The following ABCA1 variants were observed in gnomAD, a reference collection of about 807,000 sequenced individuals.
ABCA1 encodes phospholipid-transporting ATPase ABCA1.
ABCA1 carries 133 observed loss-of-function variants against 262.5 expected under a neutral mutation model. That is an observed-to-expected ratio of 0.51 (90% CI 0.44 to 0.59). The LOEUF (loss-of-function observed/expected upper bound fraction) is 0.59, where lower values mean the gene tolerates loss of function less well. Ranked by LOEUF, ABCA1 falls within the 20% of genes least tolerant of loss-of-function variation. The pLI is 0.00. For missense variants in ABCA1, 2,452 were observed against 2,777.5 expected, an observed-to-expected ratio of 0.88 and a Z score of 2.63; for synonymous variants, 1,022 against 1,043.5, an observed-to-expected ratio of 0.98 and a Z score of 0.40.
Position 104,821,497 on chromosome 9 carries a change from C to A in ABCA1, c.2838G>T (p.Leu946=). Residue 946 remains leucine (L), a synonymous_variant, in exon 20 of 50, where the codon CTG becomes CTT. Coordinates refer to ENST00000374736, the MANE Select transcript of ABCA1 (RefSeq NM_005502.4). The part of the protein sequence containing the change: ...GAGKTTTMSI[L]TGLFPPTSGT... The stretch of plus-strand genomic sequence containing the variant: ...CCGAGGTCGGGGGGAACAACCCGGT[C>A]AGGATTGACCTGAGGACAAAAATTT... 1 of 1,613,922 alleles carries A rather than the reference C, an allele frequency of 6.2e-7. No individual in the cohort carries two copies. Among genetic ancestry groups the A allele is most frequent in the African/African-American group, 1.3e-5 (1 of 75,034 alleles).
chr9:104,843,502 C>A (rs1219727937), intron 8 of ABCA1, among the ~76,000 whole-genome samples: 3 of 152,190 alleles, frequency 2.0e-5, no homozygotes, highest in Admixed American at 1.3e-4. Context: ...ACAACACAGG[C>A]TTTGGAATCC....
rs1163904464 is a variant in ABCA1, at chr9:104,781,824, AAT to A, written c.*2489_*2490del. On this transcript the variant is annotated 3_prime_UTR_variant, in exon 50 of 50. Transcript: ENST00000374736. Reference sequence around the variant, plus strand: ...ACTCACATAGGTACATTCCACAGGGAATATACAGAAATTTTGCTTGATTGAGT... The same window carrying A: ...ACTCACATAGGTACATTCCACAGGGAATACAGAAATTTTGCTTGATTGAGT... 6.6e-6 allele frequency: 1 copy of A among 152,628 alleles called. No individual in the cohort carries two copies. Among genetic ancestry groups the A allele is most frequent in the Non-Finnish European group, 1.5e-5 (1 of 68,006 alleles). The allele number at this position is 152,628 out of a possible 1,614,324, so 9.5% of individuals were successfully genotyped here. A position where few individuals can be genotyped will look rare whatever the true frequency, so the allele number is the denominator to read the frequency against.
rs146817777 is a variant in ABCA1, at chr9:104,785,486, A to C, written c.6555T>G (p.Ser2185=). The C allele has an allele frequency of 1.6e-4, 265 of 1,614,164 alleles. 1 individual carries two copies. The African/African-American group carries it at 3.3e-3, about 20-fold the overall frequency. The change falls in exon 49 of 50, where the codon TCT becomes TCG. Residue 2185 remains serine, a synonymous_variant. Transcript: ENST00000374736. ...GGATGCTGAATATCCTGGCCAGAGAAGATAATGAAGATGGAAGCTGGTATT... is the reference window on the plus strand; with the variant it reads ...GGATGCTGAATATCCTGGCCAGAGACGATAATGAAGATGGAAGCTGGTATT... ...MLQYQLPSSL[S]SLARIFSILS...
chr9:104,900,189 C>T (rs1284703129), intron 2 of ABCA1, among the ~76,000 whole-genome samples: 3 of 152,162 alleles, frequency 2.0e-5, no homozygotes, highest in Non-Finnish European at 4.4e-5. Flanking sequence ...CCAGGCTGAA[C>T]ATAGCGTTTC....
At chr9:104,875,289 G>A (rs1838053805) in intron 5 of ABCA1, among the ~76,000 whole-genome samples, 2 of 145,466 alleles carry the variant, frequency 1.4e-5, no homozygotes, top group Non-Finnish European at 3.0e-5. Context: ...GTCGCAGTGA[G>A]CCGAGATCAC....
rs764094213 is a variant in ABCA1, at chr9:104,837,547, T to A, written c.1075A>T (p.Met359Leu). Residue 359 changes from methionine (M) to leucine (L), a missense_variant, in exon 10 of 50, where the codon ATG (methionine) becomes TTG (leucine). Coordinates refer to ENST00000374736, the MANE Select transcript of ABCA1 (RefSeq NM_005502.4). The part of the protein sequence containing the change: ...NSTTPYCNDL[M>L]KNLESSPLSR... ...AGAGGACTAGACTCCAAATTCTTCA[T>A]CAAATCATTGCAGTAAGGAGCTATG... is the stretch of plus-strand genomic sequence containing the variant. 7 of 1,614,000 alleles carry A rather than the reference T, an allele frequency of 4.3e-6. No homozygotes were observed. The highest frequency in any genetic ancestry group is 5.1e-6 in the Non-Finnish European group (6 of 1,180,024).
chr9:104,902,910 T>C (rs1468416668), intron 2 of ABCA1, among the ~76,000 whole-genome samples: 1 of 152,088 alleles, frequency 6.6e-6, no homozygotes, highest in African/African-American at 2.4e-5. Flanking sequence ...AGAAACTAAC[T>C]ACAGAGAAAT....
Position 104,907,143 on chromosome 9 carries a change from C to G in ABCA1, c.-92-3372G>C, listed in dbSNP as rs527532190. On this transcript the variant is annotated intron_variant, in intron 1 of 49. Transcript: ENST00000374736. ...GCCACTCCCCACCTGCTAAGCAATG[C>G]CCTGGAGATGTGTATACAGGCTCAG... Among the ~76,000 whole-genome samples, 43 of 152,332 alleles carry G rather than the reference C, an allele frequency of 2.8e-4. No individual in the cohort carries two copies. The South Asian group carries it at 8.9e-3, about 32-fold the overall frequency.
chr9:104,905,274 T>C (rs562719185), intron 1 of ABCA1, among the ~76,000 whole-genome samples: 35 of 152,244 alleles, frequency 2.3e-4, no homozygotes, highest in African/African-American at 7.9e-4. Context: ...AGACTAGAAA[T>C]CTGTGAGTCC....
Position 104,787,922 on chromosome 9 carries a change from G to T in ABCA1, c.6202C>A (p.Leu2068Met), listed in dbSNP as rs1829066562. The T allele has an allele frequency of 3.1e-6, 5 of 1,613,998 alleles. No homozygotes were observed. The highest frequency in any genetic ancestry group is 4.2e-6 in the Non-Finnish European group (5 of 1,179,916). ...TTTCCATCCACAGTTATACTCACCAGAAACACCACAGGAGGCCCGCCGATC... is the reference window on the plus strand; with the variant it reads ...TTTCCATCCACAGTTATACTCACCATAAACACCACAGGAGGCCCGCCGATC... ...ALIGGPPVVFLDEPTTGMDPK... is the reference protein window; with the variant it reads ...ALIGGPPVVFMDEPTTGMDPK... Residue 2068 changes from leucine (L) to methionine (M), a missense_variant and splice_region_variant, in exon 46 of 50, where the codon CTG becomes ATG. By Grantham distance (15) the Leu-to-Met change is conservative. Coordinates refer to ENST00000374736, the MANE Select transcript of ABCA1 (RefSeq NM_005502.4).
intron 1 of ABCA1, among the ~76,000 whole-genome samples, chr9:104,913,889 G>A (rs906196481): frequency 2.6e-5 from 4 of 152,070 alleles, no homozygotes; most frequent in African/African-American, 4.8e-5. Flanking sequence ...TCCGCCTCCC[G>A]GCTTCACGCC....
chr9:104,863,519 C>T (rs190625399), intron 5 of ABCA1, among the ~76,000 whole-genome samples: 3 of 152,330 alleles, frequency 2.0e-5, no homozygotes, highest in Admixed American at 2.0e-4. Flanking sequence ...AGGAGTTAAT[C>T]CGCGGAGCTA....
At chr9:104,911,321 C>T (rs1210625856) in intron 1 of ABCA1, among the ~76,000 whole-genome samples, 1 of 152,214 alleles carries the variant, frequency 6.6e-6, no homozygotes, top group Non-Finnish European at 1.5e-5. Context: ...CTAAGCCCAA[C>T]AGAACATGCT....
rs200030513 is a variant in ABCA1 at position 104,840,305 on chromosome 9, G to C, written c.1028C>G (p.Ala343Gly). 6.2e-6 allele frequency: 10 copies of C among 1,614,108 alleles called. No individual in the cohort carries two copies. In the East Asian group the frequency reaches 2.2e-4, roughly 36 times the overall value. The stretch of plus-strand genomic sequence containing the variant: ...TGTAGAGTTGTCATAGAAGGTTTCA[G>C]CATCTTCCTCAGTGCCATTGCCTCC... ...LFGGNGTEED[A>G]ETFYDNSTTP... is the part of the protein sequence containing the mutation. Residue 343 changes from alanine to glycine, a missense_variant, in exon 9 of 50, where the codon GCT becomes GGT. By Grantham distance (60) the Ala-to-Gly change is moderately conservative. Transcript: ENST00000374736.
intron 1 of ABCA1, among the ~76,000 whole-genome samples, chr9:104,920,631 C>T (rs1285818647): frequency 6.6e-6 from 1 of 152,124 alleles, no homozygotes; most frequent in African/African-American, 2.4e-5. Flanking sequence ...TCTGCCTAAG[C>T]CTCCTGAGTA....
intron 2 of ABCA1, among the ~76,000 whole-genome samples, chr9:104,894,050 C>T (rs1007068443): frequency 5.3e-5 from 8 of 152,146 alleles, no homozygotes; most frequent in Non-Finnish European, 7.4e-5. Flanking sequence ...GAACAAGTTA[C>T]GAGCCATAAG....
intron 34 of ABCA1, among the ~76,000 whole-genome samples, chr9:104,800,988 T>C (rs2777800): frequency 0.76 from 115,206 of 151,866 alleles, 44,405 homozygotes; most frequent in Admixed American, 0.84. Context: ...TCTAGGACTA[T>C]CACTGCTGTC....
Position 104,818,582 on chromosome 9 carries a change from G to A in ABCA1, c.3462+81C>T, listed in dbSNP as rs549644835. On this transcript the variant is annotated intron_variant, in intron 23 of 49. Transcript: ENST00000374736. The stretch of plus-strand genomic sequence containing the variant: ...GTGGTTTCAACATGGCAAAAGGGGT[G>A]GAGATGGAGAAATCATTCACAGCCA... The A allele has an allele frequency of 4.0e-4, 528 of 1,318,652 alleles. 1 individual carries two copies. Among genetic ancestry groups the A allele is most frequent in the Non-Finnish European group, 5.4e-4 (494 of 913,582 alleles). 81.7% of individuals were successfully genotyped at this position (1,318,652 alleles called of 1,614,324 possible).
Position 104,828,488 on chromosome 9 carries a change from C to T in ABCA1, c.2115+428G>A, listed in dbSNP as rs73663557. Among the ~76,000 whole-genome samples the T allele has an allele frequency of 8.5e-3, 1,291 of 152,324 alleles. 26 individuals are homozygous for T. The highest frequency in any genetic ancestry group is 0.029 in the African/African-American group (1,217 of 41,562). Reference sequence around the variant, plus strand: ...CCCTCATAAATACCCATACATCAAACTCTATTTCAGCCTCTGCTTCCAGAC... The same window carrying T: ...CCCTCATAAATACCCATACATCAAATTCTATTTCAGCCTCTGCTTCCAGAC... On this transcript the variant is annotated intron_variant, in intron 15 of 49. Transcript: ENST00000374736.
Sources: allele counts gnomAD v4.1 joint callset (sites outside exome capture counted in the v4.1 genomes callset), GRCh38; gene constraint gnomAD v4.1.1; transcripts MANE v1.5; gene names NCBI Gene and HGNC (gene_info 2026-07-23, HGNC 2026-07-21).